The following GALNT10 variants were observed in gnomAD, a reference collection of about 807,000 sequenced individuals.
GALNT10 encodes the protein polypeptide N-acetylgalactosaminyltransferase 10, also known as GalNAc transferase 10.
Under a neutral mutation model 75.0 loss-of-function variants are expected in GALNT10, and 41 were observed. The observed-to-expected ratio is 0.55, with a 90% confidence interval of 0.43 to 0.71. The LOEUF (loss-of-function observed/expected upper bound fraction) is 0.71. Among genes scored for constraint, GALNT10 ranks in the 30% least tolerant of loss-of-function variants. GALNT10 has a pLI of 0.00. For synonymous variants in GALNT10, 302 were observed against 313.0 expected (o/e 0.96, Z 0.37); for missense variants, 727 against 818.5 (o/e 0.89, Z 1.36).
rs189137385 is a variant in GALNT10 at position 154,245,886 on chromosome 5, C to T, written c.160-48930C>T. ...GGTTTGTTACATATATATACATGTG[C>T]CATGTTGGTGTGCTGCACCCATTAA... On this transcript the variant is annotated intron_variant, in intron 1 of 11. Coordinates refer to ENST00000297107, the MANE Select transcript of GALNT10 (RefSeq NM_198321.4). Among the ~76,000 whole-genome samples the T allele has an allele frequency of 3.0e-3, 448 of 150,754 alleles. 3 individuals carry two copies. Among genetic ancestry groups the T allele is most frequent in the African/African-American group, 0.011 (434 of 40,958 alleles).
intron 4 of GALNT10, among the ~76,000 whole-genome samples, chr5:154,372,747 C>T (rs540728072): frequency 4.6e-5 from 7 of 152,194 alleles, no homozygotes; most frequent in African/African-American, 1.7e-4. Flanking sequence ...ACCTCGGCAG[C>T]CCCTGGGGCA....
chr5:154,357,081 T>A (rs1755307711), intron 4 of GALNT10, among the ~76,000 whole-genome samples: 1 of 152,172 alleles, frequency 6.6e-6, no homozygotes, highest in African/African-American at 2.4e-5. Flanking sequence ...AGATTTTTTT[T>A]GCTTTTAAAG....
intron 1 of GALNT10, among the ~76,000 whole-genome samples, chr5:154,202,909 C>G (rs1045632421): frequency 6.6e-6 from 1 of 152,294 alleles, no homozygotes; most frequent in Admixed American, 6.5e-5. Flanking sequence ...CTAGACCCCC[C>G]TCGCCTGCTA....
chr5:154,325,965 G>C (rs779567845), intron 3 of GALNT10, among the ~76,000 whole-genome samples: 5 of 151,934 alleles, frequency 3.3e-5, no homozygotes, highest in Non-Finnish European at 7.4e-5. Flanking sequence ...TTGTACCTAA[G>C]AAATTCTAAG....
intron 1 of GALNT10, among the ~76,000 whole-genome samples, chr5:154,231,751 A>G (rs1185624892): frequency 6.6e-6 from 1 of 152,206 alleles, no homozygotes; most frequent in Non-Finnish European, 1.5e-5. Flanking sequence ...TTTGTAGGTC[A>G]TGAGTTTGGC....
At chr5:154,256,381 T>C (rs1753613918) in intron 1 of GALNT10, among the ~76,000 whole-genome samples, 1 of 151,380 alleles carries the variant, frequency 6.6e-6, no homozygotes, top group African/African-American at 2.4e-5. Flanking sequence ...TTGTGTGTGG[T>C]CCCTTATAGA....
intron 1 of GALNT10, among the ~76,000 whole-genome samples, chr5:154,246,077 C>G (rs1425614773): frequency 6.6e-6 from 1 of 150,848 alleles, no homozygotes; most frequent in Non-Finnish European, 1.5e-5. Flanking sequence ...TTTGTCCTTG[C>G]GATAGTTTGC....
chr5:154,374,764 T>C (rs1208595289), intron 4 of GALNT10, among the ~76,000 whole-genome samples: 1 of 151,596 alleles, frequency 6.6e-6, no homozygotes, highest in East Asian at 2.0e-4. Flanking sequence ...ATTCTTCTGA[T>C]CACCTCAAAT....
chr5:154,197,115 A>G (rs1774957519), intron 1 of GALNT10, among the ~76,000 whole-genome samples: 1 of 152,084 alleles, frequency 6.6e-6, no homozygotes, highest in Non-Finnish European at 1.5e-5. Flanking sequence ...TGTGGACCTC[A>G]GTTTGTTGCT....
chr5:154,279,134 G>C (rs1561648462), intron 1 of GALNT10, among the ~76,000 whole-genome samples: 1 of 152,100 alleles, frequency 6.6e-6, no homozygotes, highest in African/African-American at 2.4e-5. Context: ...GTTTTTAACA[G>C]CAGCTGCACC....
intron 1 of GALNT10, among the ~76,000 whole-genome samples, chr5:154,199,179 T>A (rs1253961245): frequency 1.3e-5 from 2 of 152,108 alleles, no homozygotes; most frequent in Non-Finnish European, 2.9e-5. Context: ...TGCTTCACAA[T>A]CCCTAGGGAG....
intron 1 of GALNT10, among the ~76,000 whole-genome samples, chr5:154,226,142 GA>G (rs112004791): frequency 0.037 from 5,396 of 146,960 alleles, 103 homozygotes; most frequent in Middle Eastern, 0.14. Context: ...ATAAAAAAAG[GA>G]AAAAAAAAAG....
At chr5:154,256,419 A>G (rs558591753) in intron 1 of GALNT10, among the ~76,000 whole-genome samples, 3 of 147,488 alleles carry the variant, frequency 2.0e-5, no homozygotes, top group African/African-American at 7.5e-5. Context: ...GCAGTTTGAG[A>G]CTTTTTTTCA....
chr5:154,366,872 A>G (rs1250919954), intron 4 of GALNT10, among the ~76,000 whole-genome samples: 8 of 152,164 alleles, frequency 5.3e-5, no homozygotes, highest in Non-Finnish European at 1.0e-4. Context: ...CAATAGCAAT[A>G]GTAACCATGG....
intron 3 of GALNT10, among the ~76,000 whole-genome samples, chr5:154,314,754 G>A (rs1581969547): frequency 6.6e-6 from 1 of 151,770 alleles, no homozygotes; most frequent in East Asian, 2.0e-4. Flanking sequence ...AAGTGCTAAA[G>A]TGGTACCCCT....
chr5:154,414,371 A>G (rs751473478), intron 10 of GALNT10, among the ~76,000 whole-genome samples: 1 of 152,260 alleles, frequency 6.6e-6, no homozygotes, highest in Non-Finnish European at 1.5e-5. Flanking sequence ...GTCCTGTAAC[A>G]AGGAACTGGA....
intron 1 of GALNT10, among the ~76,000 whole-genome samples, chr5:154,215,895 T>C (rs993930015): frequency 6.6e-5 from 10 of 152,336 alleles, no homozygotes; most frequent in African/African-American, 2.4e-4. Flanking sequence ...GCTCTGAGCA[T>C]CTGCATACCT....
intron 4 of GALNT10, among the ~76,000 whole-genome samples, chr5:154,337,092 G>C (rs1754955221): frequency 6.6e-6 from 1 of 152,052 alleles, no homozygotes; most frequent in African/African-American, 2.4e-5. Flanking sequence ...CCATTTATTA[G>C]GATCATACTG....
intron 8 of GALNT10, among the ~76,000 whole-genome samples, chr5:154,404,979 G>C (rs1203438041): frequency 6.6e-6 from 1 of 152,032 alleles, no homozygotes; most frequent in Non-Finnish European, 1.5e-5. Flanking sequence ...AAATGTATTC[G>C]GAAAAAAATA....
Sources: gnomAD v4.1 joint callset for allele counts (sites outside exome capture counted in the v4.1 genomes callset) on GRCh38, gnomAD v4.1.1 for gene constraint, MANE v1.5 for transcripts, NCBI Gene and HGNC (gene_info 2026-07-23, HGNC 2026-07-21) for gene names.